KHDRBS2: variants seen among roughly 807,000 people sequenced by gnomAD.
The protein encoded by KHDRBS2 is KH domain-containing, RNA-binding, signal transduction-associated protein 2.
In KHDRBS2, 26 loss-of-function variants were observed where a neutral mutation model predicts 44.3. The observed-to-expected ratio is 0.59, with a 90% confidence interval of 0.43 to 0.81. The LOEUF (loss-of-function observed/expected upper bound fraction) is 0.81, where lower values mean the gene tolerates loss of function less well. KHDRBS2 is among the 40% of genes least tolerant of loss of function. The probability of loss-of-function intolerance (pLI) is 0.00; values close to 1 mark genes in which losing one functional copy is unlikely to be tolerated. For synonymous variants in KHDRBS2, 194 were observed against 151.1 expected (o/e 1.28, Z -2.08); for missense variants, 476 against 433.1 (o/e 1.10, Z -0.88).
At chr6:61,931,622 A>G (rs1810068185) in intron 4 of KHDRBS2, among the ~76,000 whole-genome samples, 2 of 152,200 alleles carry the variant, frequency 1.3e-5, no homozygotes, top group Non-Finnish European at 2.9e-5. Flanking sequence ...AGTATTGCAA[A>G]CTAGCCAATT....
intron 4 of KHDRBS2, among the ~76,000 whole-genome samples, chr6:61,945,409 T>G (rs1813165454): frequency 6.6e-6 from 1 of 151,544 alleles, no homozygotes; most frequent in South Asian, 2.1e-4. Flanking sequence ...GAGGCAGAAT[T>G]TATTACCACT....
At chr6:61,954,426 T>TGTATGCATGCATACATATATAC (rs1342497250) in intron 4 of KHDRBS2, among the ~76,000 whole-genome samples, 1 of 142,788 alleles carries the variant, frequency 7.0e-6, no homozygotes, top group African/African-American at 2.5e-5. Context: ...TATATACGTA[T>TGTATGCATGCATACATATATAC]GTATGCATGC....
chr6:61,922,645 A>T (rs1177021380), intron 4 of KHDRBS2, among the ~76,000 whole-genome samples: 1 of 152,094 alleles, frequency 6.6e-6, no homozygotes, highest in Non-Finnish European at 1.5e-5. Flanking sequence ...CATAATTCAC[A>T]TGGATATCAG....
At chr6:62,083,181 GA>G (rs1554386974) in intron 2 of KHDRBS2, among the ~76,000 whole-genome samples, 1 of 43,432 alleles carries the variant, frequency 2.3e-5, no homozygotes, top group Non-Finnish European at 6.1e-5. Context: ...GGAGAGGGCA[GA>G]GCATCACAGC....
chr6:61,623,739 A>C, the KHDRBS2 span, among the ~76,000 whole-genome samples: 1 of 152,194 alleles, frequency 6.6e-6, no homozygotes, highest in African/African-American at 2.4e-5. Context: ...TCCAGCTTGC[A>C]CACATGGCCT....
chr6:62,046,390 T>C (rs1787697570), intron 3 of KHDRBS2, among the ~76,000 whole-genome samples: 1 of 151,944 alleles, frequency 6.6e-6, no homozygotes, highest in Non-Finnish European at 1.5e-5. Flanking sequence ...CAGTTCTCCA[T>C]CCTGGAGATA....
At chr6:61,835,757 G>A (rs542308264) in intron 6 of KHDRBS2, among the ~76,000 whole-genome samples, 4 of 148,154 alleles carry the variant, frequency 2.7e-5, no homozygotes, top group African/African-American at 9.9e-5. Context: ...GAGAAAGATT[G>A]AGAGAGAGAG....
chr6:62,246,959 T>C (rs1167096407), intron 1 of KHDRBS2, among the ~76,000 whole-genome samples: 3 of 152,084 alleles, frequency 2.0e-5, no homozygotes, highest in African/African-American at 7.2e-5. Context: ...CCAAAAGATA[T>C]GTTTGAAAGA....
At chr6:61,991,236 T>A (rs1048594836) in intron 3 of KHDRBS2, among the ~76,000 whole-genome samples, 64 of 152,276 alleles carry the variant, frequency 4.2e-4, no homozygotes, top group African/African-American at 1.5e-3. Flanking sequence ...TAGCCTAAAA[T>A]TAGTGAGAAA....
At chr6:61,551,680 C>A in the KHDRBS2 span, among the ~76,000 whole-genome samples, 6,020 of 152,032 alleles carry the variant, frequency 0.04, 292 homozygotes, top group East Asian at 0.22. Context: ...TGTAGGTGTG[C>A]AGCATTATTT....
At chr6:61,807,308 TCCCATTATTGGGTATATA>T (rs956940246) in intron 6 of KHDRBS2, among the ~76,000 whole-genome samples, 94 of 152,170 alleles carry the variant, frequency 6.2e-4, no homozygotes, top group African/African-American at 2.2e-3. Context: ...GGCCCAGCAA[TCCCATTATTGGGTATATA>T]CCCAAAGGAA....
the KHDRBS2 span, among the ~76,000 whole-genome samples, chr6:61,582,171 C>A: frequency 1.3e-5 from 2 of 151,604 alleles, no homozygotes; most frequent in Non-Finnish European, 3.0e-5. Context: ...GTGAGCTAAG[C>A]ATTTAACTTA....
chr6:61,615,668 G>T, the KHDRBS2 span, among the ~76,000 whole-genome samples: 29,937 of 152,132 alleles, frequency 0.2, 3,396 homozygotes, highest in South Asian at 0.33. Context: ...GAAACATTTT[G>T]AGTGCCAACA....
intron 2 of KHDRBS2, among the ~76,000 whole-genome samples, chr6:62,173,811 C>A (rs1464425444): frequency 1.3e-5 from 2 of 151,744 alleles, no homozygotes; most frequent in South Asian, 4.1e-4. Flanking sequence ...AAATAAAAAA[C>A]CATATGATCA....
At chr6:61,666,980 A>G in the KHDRBS2 span, among the ~76,000 whole-genome samples, 3 of 133,038 alleles carry the variant, frequency 2.3e-5, no homozygotes, top group East Asian at 6.7e-4. Context: ...ATTTAGACAC[A>G]AACCTTCTGG....
At chr6:61,622,100 A>G in the KHDRBS2 span, among the ~76,000 whole-genome samples, 2 of 152,228 alleles carry the variant, frequency 1.3e-5, no homozygotes, top group African/African-American at 4.8e-5. Context: ...CTTTTGACCT[A>G]CAGGAACTTT....
intron 2 of KHDRBS2, among the ~76,000 whole-genome samples, chr6:62,055,582 G>C (rs1429992851): frequency 6.6e-6 from 1 of 151,964 alleles, no homozygotes; most frequent in Non-Finnish European, 1.5e-5. Context: ...ATCATCCAGA[G>C]AAATCTTGGC....
chr6:62,095,943 A>T (rs1022291593), intron 2 of KHDRBS2, among the ~76,000 whole-genome samples: 1 of 151,892 alleles, frequency 6.6e-6, no homozygotes, highest in Non-Finnish European at 1.5e-5. Context: ...GTGGAATTTT[A>T]TCAAATGTTT....
At chr6:62,198,014 A>C (rs1826051106) in intron 1 of KHDRBS2, among the ~76,000 whole-genome samples, 1 of 152,180 alleles carries the variant, frequency 6.6e-6, no homozygotes, top group Non-Finnish European at 1.5e-5. Flanking sequence ...ATAAAGGCAG[A>C]AATAAAGACG....
Sources: allele counts gnomAD v4.1 joint callset (sites outside exome capture counted in the v4.1 genomes callset), GRCh38; gene constraint gnomAD v4.1.1; transcripts MANE v1.5; gene names NCBI Gene and HGNC (gene_info 2026-07-23, HGNC 2026-07-21).